The following EXOC6 variants were observed in gnomAD, a reference collection of about 807,000 sequenced individuals.
EXOC6 encodes the protein exocyst complex component 6, also known as SEC15-like 1.
A neutral mutation model predicts 112.5 loss-of-function variants in EXOC6; 60 were observed. That is an observed-to-expected ratio of 0.53 (90% CI 0.43 to 0.66). The LOEUF is 0.66. Ranked by LOEUF, EXOC6 falls within the 30% of genes least tolerant of loss-of-function variation. EXOC6 has a pLI of 0.00. For synonymous variants in EXOC6, 295 were observed against 308.0 expected (o/e 0.96, Z 0.44); for missense variants, 855 against 957.1 (o/e 0.89, Z 1.41).
At chr10:93,035,653 T>C (rs934650210) in intron 20 of EXOC6, among the ~76,000 whole-genome samples, 2 of 152,040 alleles carry the variant, frequency 1.3e-5, no homozygotes, top group African/African-American at 4.8e-5. Context: ...CCAGGAGCTC[T>C]AGACCAGCTT....
intron 20 of EXOC6, among the ~76,000 whole-genome samples, chr10:93,043,211 G>A (rs931377890): frequency 3.0e-4 from 45 of 151,890 alleles, no homozygotes; most frequent in African/African-American, 9.9e-4. Flanking sequence ...CTGGGATTAC[G>A]GGCCTGAGCC....
intron 14 of EXOC6, among the ~76,000 whole-genome samples, chr10:92,951,407 TGGG>T: frequency 6.6e-6 from 1 of 152,214 alleles, no homozygotes; most frequent in East Asian, 1.9e-4. Flanking sequence ...AAAACCAGTG[TGGG>T]CAGGAATCCA....
At chr10:92,889,526 C>T (rs892601036) in intron 1 of EXOC6, among the ~76,000 whole-genome samples, 21 of 152,066 alleles carry the variant, frequency 1.4e-4, no homozygotes, top group Admixed American at 9.2e-4. Context: ...TGTGTATGTC[C>T]GGTTGTTTTA....
In EXOC6 at chr10:92,961,701, GT is replaced by G. The variant is rs11374075; in HGVS notation, c.1773+6000del. ...CATAGATAAGAGTGCTCCGCTTTCT[GT>G]TTTTTTTTTTTTAATATCATCAGTA... On this transcript the variant is annotated intron_variant, in intron 17 of 21. Transcript: ENST00000260762. Among the ~76,000 whole-genome samples, 128 of 145,658 alleles carry G rather than the reference GT, an allele frequency of 8.8e-4. 2 individuals carry two copies. The highest frequency in any genetic ancestry group is 5.2e-3 in the South Asian group (24 of 4,624).
chr10:93,023,037 G>T (rs1844858505), intron 20 of EXOC6, among the ~76,000 whole-genome samples: 1 of 149,898 alleles, frequency 6.7e-6, no homozygotes. Flanking sequence ...TCTTAATAGG[G>T]TGGTTGACAG....
intron 17 of EXOC6, among the ~76,000 whole-genome samples, chr10:92,968,182 C>CTT (rs10593908): frequency 7.4e-6 from 1 of 135,374 alleles, no homozygotes; most frequent in Non-Finnish European, 1.6e-5. Flanking sequence ...AGTGTTTCAC[C>CTT]TTTTTTTTTT....
intron 8 of EXOC6, among the ~76,000 whole-genome samples, chr10:92,927,737 A>G (rs1851804778): frequency 1.3e-5 from 2 of 152,228 alleles, no homozygotes; most frequent in Non-Finnish European, 1.5e-5. Context: ...GGTTGCTATG[A>G]GAGAACAGAA....
At chr10:93,015,961 G>A (rs189556898) in intron 20 of EXOC6, among the ~76,000 whole-genome samples, 248 of 152,278 alleles carry the variant, frequency 1.6e-3, no homozygotes, top group African/African-American at 5.7e-3. Flanking sequence ...ACCTTGCTGA[G>A]TTGGGAAAGA....
chr10:93,038,925 T>G (rs1845640983), intron 20 of EXOC6, among the ~76,000 whole-genome samples: 1 of 152,174 alleles, frequency 6.6e-6, no homozygotes, highest in Non-Finnish European at 1.5e-5. Flanking sequence ...CCACCTATCT[T>G]CTAATTTAGA....
chr10:92,974,826 C>A lies in EXOC6; in HGVS notation c.1953+594C>A, dbSNP rs540484180. ...CGAGTGATCCGCCAGCCTCGGCCTCCCGAGGTGCCGGGATTGCAGATGGAG... is the reference window on the plus strand; with the variant it reads ...CGAGTGATCCGCCAGCCTCGGCCTCACGAGGTGCCGGGATTGCAGATGGAG... On this transcript the variant is annotated intron_variant, in intron 18 of 21. Coordinates refer to ENST00000260762, the MANE Select transcript of EXOC6 (RefSeq NM_019053.6). Among the ~76,000 whole-genome samples, 611 of 152,318 alleles carry A rather than the reference C, an allele frequency of 4.0e-3. 8 individuals carry two copies. The highest frequency in any genetic ancestry group is 0.014 in the African/African-American group (591 of 41,574).
intron 15 of EXOC6, among the ~76,000 whole-genome samples, chr10:92,953,371 G>A (rs368784728): frequency 7.2e-5 from 11 of 152,098 alleles, no homozygotes; most frequent in African/African-American, 1.7e-4. Flanking sequence ...AATCCACTGC[G>A]CCTGGCCCAC....
At chr10:92,907,841 C>T (rs1400082197) in intron 5 of EXOC6, among the ~76,000 whole-genome samples, 1 of 152,082 alleles carries the variant, frequency 6.6e-6, no homozygotes, top group African/African-American at 2.4e-5. Flanking sequence ...TGACATCTCT[C>T]CTACCCATAC....
intron 18 of EXOC6, among the ~76,000 whole-genome samples, chr10:92,975,222 C>A (rs1173613553): frequency 6.6e-6 from 1 of 151,912 alleles, no homozygotes; most frequent in Non-Finnish European, 1.5e-5. Context: ...CCCGCCACCC[C>A]GTCTGGGATG....
At chr10:92,832,797 G>A (rs751481836), upstream of EXOC6, among the ~76,000 whole-genome samples, 62 of 151,794 alleles carry the variant, frequency 4.1e-4, no homozygotes, top group Non-Finnish European at 7.5e-4. Context: ...CAAGTAGCTG[G>A]GACTACAGGC....
intron 18 of EXOC6, among the ~76,000 whole-genome samples, chr10:92,977,376 G>A (rs1448221204): frequency 6.6e-6 from 1 of 152,026 alleles, no homozygotes; most frequent in Non-Finnish European, 1.5e-5. Context: ...AAAAATTAAT[G>A]GAAGACTATT....
At chr10:92,975,178 C>A (rs185069019) in intron 18 of EXOC6, among the ~76,000 whole-genome samples, 1 of 151,504 alleles carries the variant, frequency 6.6e-6, no homozygotes, top group Admixed American at 6.6e-5. Flanking sequence ...TCTGCCTGGC[C>A]GCCCATCGTC....
chr10:92,913,645 C>T (rs112483363), intron 6 of EXOC6, among the ~76,000 whole-genome samples: 1,728 of 152,324 alleles, frequency 0.011, 20 homozygotes, highest in Non-Finnish European at 0.017. Context: ...CTTCTGCCAT[C>T]ACCCATTACA....
intron 1 of EXOC6, chr10:92,878,338 A>G (rs1848777473): frequency 6.6e-6 from 1 of 152,178 alleles, no homozygotes; most frequent in South Asian, 2.1e-4. Context: ...CCAAGCAGGC[A>G]CATGAAGGTC....
rs1430239708 is a variant in EXOC6 at position 92,896,057 on chromosome 10, GTGTATATATA to G, written c.412+1041_412+1050del. Among the ~76,000 whole-genome samples the G allele has an allele frequency of 1.6e-3, 66 of 41,060 alleles. 2 individuals are homozygous for G. Among genetic ancestry groups the G allele is most frequent in the African/African-American group, 0.01 (63 of 6,144 alleles). The allele number at this position is 41,060 out of a possible 152,430, so 26.9% of individuals were successfully genotyped here. On this transcript the variant is annotated intron_variant, in intron 4 of 21. Transcript: ENST00000260762. ...TGTGTATATATATGTGTATATATAT[GTGTATATATA>G]TGTGTATATATATGTGTATATATAT...
Sources: allele counts gnomAD v4.1 joint callset (sites outside exome capture counted in the v4.1 genomes callset), GRCh38; gene constraint gnomAD v4.1.1; transcripts MANE v1.5; gene names NCBI Gene and HGNC (gene_info 2026-07-23, HGNC 2026-07-21).